The following RADIL variants were observed in gnomAD, a reference collection of about 807,000 sequenced individuals.
RADIL encodes the protein Rap associating with DIL domain, also known as ras-associating and dilute domain-containing protein.
In RADIL, 99 loss-of-function variants were observed where a neutral mutation model predicts 97.6. The observed-to-expected ratio is 1.01, with a 90% confidence interval of 0.86 to 1.20. RADIL has a LOEUF of 1.20. Among genes scored for constraint, RADIL ranks in the 50% most tolerant of loss-of-function variants. The pLI is 0.00. For missense variants in RADIL, 1,765 were observed against 1,498.9 expected (o/e 1.18, Z -2.93); for synonymous variants, 803 against 691.8 (o/e 1.16, Z -2.52).
chr7:4,801,154 T>C (rs1782070628), intron 12 of RADIL, among the ~76,000 whole-genome samples: 2 of 151,004 alleles, frequency 1.3e-5, no homozygotes, highest in South Asian at 2.1e-4. Context: ...GCACACACAA[T>C]GCACACCATG....
At chr7:4,836,907 C>T (rs1037585408) in intron 2 of RADIL, among the ~76,000 whole-genome samples, 13 of 152,228 alleles carry the variant, frequency 8.5e-5, no homozygotes, top group African/African-American at 3.1e-4. Context: ...CACTGCACTC[C>T]AGCCTGGGTG....
chr7:4,817,283 C>A lies in RADIL; in HGVS notation c.1684G>T (p.Val562Leu). The A allele has an allele frequency of 6.2e-7, 1 of 1,612,778 alleles. No homozygotes were observed. Among genetic ancestry groups the A allele is most frequent in the Non-Finnish European group, 8.5e-7 (1 of 1,179,790 alleles). Residue 562 changes from valine (V) to leucine (L), a missense_variant, in exon 7 of 15, where the codon GTG (valine) becomes TTG (leucine). By Grantham distance (32) the Val-to-Leu change is conservative. Coordinates refer to ENST00000399583, the MANE Select transcript of RADIL (RefSeq NM_018059.5). This position sits in a 1 kb window ranked among gnomAD's most constrained non-coding sequence, Gnocchi z 8.3. ...SEEAMAVLEE[V>L]VLYAFQQCVY... ...CACTGCTGGAAGGCGTACAGCACCACCTCCTCCAGCACCGCCATGGCCTCC... is the reference window on the plus strand; with the variant it reads ...CACTGCTGGAAGGCGTACAGCACCAACTCCTCCAGCACCGCCATGGCCTCC...
intron 4 of RADIL, among the ~76,000 whole-genome samples, chr7:4,832,785 T>C (rs1230852314): frequency 6.7e-6 from 1 of 148,710 alleles, no homozygotes; most frequent in Non-Finnish European, 1.5e-5. Context: ...GCCTTAGTAG[T>C]AAGTTATTAT....
intron 2 of RADIL, among the ~76,000 whole-genome samples, chr7:4,843,899 G>C (rs1315544765): frequency 8.2e-6 from 1 of 122,360 alleles, no homozygotes. Flanking sequence ...GTGACAGAGC[G>C]AGACTCCATT....
intron 2 of RADIL, among the ~76,000 whole-genome samples, chr7:4,864,876 G>C (rs762311414): frequency 6.6e-6 from 1 of 152,186 alleles, no homozygotes; most frequent in Non-Finnish European, 1.5e-5. Flanking sequence ...CTAGGAGCCA[G>C]AGTCATCTTT....
rs369387469 is a variant in RADIL, at chr7:4,849,799, G to A, written c.536-13194C>T. The stretch of plus-strand genomic sequence containing the variant: ...ATACCTTTCTGCGTACGCACAAAAC[G>A]AACACAGATCACAATCTGTGTTGAA... On this transcript the variant is annotated intron_variant, in intron 2 of 14. Coordinates refer to ENST00000399583, the MANE Select transcript of RADIL (RefSeq NM_018059.5). This position sits in a 1 kb window ranked among gnomAD's most constrained non-coding sequence, Gnocchi z 5.4. Among the ~76,000 whole-genome samples, 41 of 152,174 alleles carry A rather than the reference G, an allele frequency of 2.7e-4. No homozygotes were observed. The South Asian group carries it at 7.1e-3, about 26-fold the overall frequency.
chr7:4,842,165 A>G lies in RADIL; in HGVS notation c.536-5560T>C, dbSNP rs1280365281. 6.6e-6 allele frequency among the ~76,000 whole-genome samples: 1 copy of G among 152,162 alleles called. No homozygotes were observed. The highest frequency in any genetic ancestry group is 1.5e-5 in the Non-Finnish European group (1 of 68,026). On this transcript the variant is annotated intron_variant, in intron 2 of 14. Transcript: ENST00000399583. The surrounding 1 kb of genome is among the most constrained non-coding windows in gnomAD (Gnocchi z 4.5). The stretch of plus-strand genomic sequence containing the variant: ...CCTGGTCATGAAATGTCTGCCTTTG[A>G]CAATGGGATAGAAGGAGTAGAAAGT...
At chr7:4,808,063 TCCCTCCCTCTGTCTCTCTC>T (rs1256882333) in intron 9 of RADIL, among the ~76,000 whole-genome samples, 1 of 97,354 alleles carries the variant, frequency 1.0e-5, no homozygotes, top group Non-Finnish European at 2.0e-5. Flanking sequence ...CTTCTCTCCC[TCCCTCCCTCTGTCTCTCTC>T]CCCTCCCTCC....
intron 4 of RADIL, among the ~76,000 whole-genome samples, chr7:4,833,446 G>T (rs559465801): frequency 6.6e-6 from 1 of 152,218 alleles, no homozygotes; most frequent in South Asian, 2.1e-4. Flanking sequence ...GGGGACACGG[G>T]CACGCTGCAG....
At position 4,835,497 on chromosome 7, in the gene RADIL, C is replaced by T. The variant is rs1268544444; in HGVS notation, c.784-258G>A. On this transcript the variant is annotated intron_variant, in intron 3 of 14. Coordinates refer to ENST00000399583, the MANE Select transcript of RADIL (RefSeq NM_018059.5). The surrounding 1 kb of genome is among the most constrained non-coding windows in gnomAD (Gnocchi z 5.8). ...CAGGAGACACCCAGCTTTGAGACAG[C>T]GACAGGCCAGGTCAGGGCTGGCCGG... is the stretch of plus-strand genomic sequence containing the variant. Among the ~76,000 whole-genome samples the T allele has an allele frequency of 7.9e-5, 12 of 152,148 alleles. No homozygotes were observed. The highest frequency in any genetic ancestry group is 1.6e-4 in the Non-Finnish European group (11 of 68,018).
At position 4,837,278 on chromosome 7, in the gene RADIL, C is replaced by T. The variant is rs1462827665; in HGVS notation, c.536-673G>A. 3.3e-5 allele frequency among the ~76,000 whole-genome samples: 5 copies of T among 152,194 alleles called. No individual in the cohort carries two copies. Among genetic ancestry groups the T allele is most frequent in the Admixed American group, 2.0e-4 (3 of 15,282 alleles). On this transcript the variant is annotated intron_variant, in intron 2 of 14. Transcript: ENST00000399583. The surrounding 1 kb of genome is among the most constrained non-coding windows in gnomAD (Gnocchi z 5.6). ...GCCTCAAACCACAGACGTTTTCCCA[C>T]GGCAGCCTGGGCCTCTGCAGGGTCA... is the stretch of plus-strand genomic sequence containing the variant.
At position 4,805,703 on chromosome 7, in the gene RADIL, G is replaced by A. The variant is rs749582498; in HGVS notation, c.2153C>T (p.Ala718Val). The A allele has an allele frequency of 4.3e-6, 7 of 1,609,812 alleles. No homozygotes were observed. The South Asian group carries it at 4.4e-5, about 10-fold the overall frequency. The change falls in exon 10 of 15, where the codon GCC becomes GTC. Residue 718 changes from alanine to valine, a missense_variant. Physicochemically the swap from Ala to Val is moderately conservative, Grantham distance 64 (BLOSUM62 0). Coordinates refer to ENST00000399583, the MANE Select transcript of RADIL (RefSeq NM_018059.5). The stretch of plus-strand genomic sequence containing the variant: ...CAGTGCGGGGAACGCAGCCCGCAGG[G>A]CTGTCCAGCTCATCTGGGTGACAAG... ...RAQLIQMSWT[A>V]LRAAFPALSP...
chr7:4,875,089 G>A (rs1308177363), intron 2 of RADIL, among the ~76,000 whole-genome samples: 2 of 145,016 alleles, frequency 1.4e-5, no homozygotes, highest in Non-Finnish European at 2.9e-5. Context: ...CTACTCGGGA[G>A]GCTGAGGCAG....
In RADIL at chr7:4,802,005, G is replaced by C. The variant is rs781754860; in HGVS notation, c.2500-10C>G. 2 of 1,492,642 alleles carry C rather than the reference G, an allele frequency of 1.3e-6. No homozygotes were observed. Among genetic ancestry groups the C allele is most frequent in the Non-Finnish European group, 1.8e-6 (2 of 1,122,102 alleles). The allele number at this position is 1,492,642 out of a possible 1,614,324, so 92.5% of individuals were successfully genotyped here. A position where few individuals can be genotyped will look rare whatever the true frequency, so the allele number is the denominator to read the frequency against. ...CCACGTGGTGCATACCCTAGGGAGAGGAAGGGTGACAGCTCAGGTAGAGGA... is the reference window on the plus strand; with the variant it reads ...CCACGTGGTGCATACCCTAGGGAGACGAAGGGTGACAGCTCAGGTAGAGGA... On this transcript the variant is annotated splice_polypyrimidine_tract_variant and intron_variant, in intron 11 of 14. Transcript: ENST00000399583.
intron 2 of RADIL, among the ~76,000 whole-genome samples, chr7:4,865,148 T>C (rs1784101909): frequency 6.6e-6 from 1 of 152,226 alleles, no homozygotes; most frequent in African/African-American, 2.4e-5. Flanking sequence ...GTTGGTGTGT[T>C]GTCATCTTTG....
At chr7:4,801,602 G>T in intron 12 of RADIL, 51 bp downstream of exon 12, 2 of 1,525,150 alleles carry the variant, frequency 1.3e-6, no homozygotes, top group South Asian at 2.4e-5. Context: ...CCATCAGGGT[G>T]CTGTGCGGGG....
intron 9 of RADIL, among the ~76,000 whole-genome samples, chr7:4,810,831 C>T (rs183200932): frequency 2.0e-4 from 31 of 152,290 alleles, no homozygotes; most frequent in South Asian, 6.2e-4. Context: ...CTCATGTGTT[C>T]GGTGTTTAAA....
intron 2 of RADIL, among the ~76,000 whole-genome samples, chr7:4,864,995 T>C (rs1047658554): frequency 6.6e-6 from 1 of 152,208 alleles, no homozygotes; most frequent in Non-Finnish European, 1.5e-5. Context: ...TCTGCAACTT[T>C]CCCCTCTGCA....
intron 5 of RADIL, among the ~76,000 whole-genome samples, chr7:4,825,687 C>G (rs964434836): frequency 4.0e-5 from 6 of 151,100 alleles, no homozygotes; most frequent in African/African-American, 1.5e-4. Context: ...ACCAGCCTGA[C>G]CAACATGGTG....
Sources: gnomAD v4.1 joint callset for allele counts (sites outside exome capture counted in the v4.1 genomes callset) on GRCh38, gnomAD v4.1.1 for gene constraint, Gnocchi (gnomAD v3.1) non-coding constraint, MANE v1.5 for transcripts, NCBI Gene and HGNC (gene_info 2026-07-23, HGNC 2026-07-21) for gene names.